CNTN5: variants seen among roughly 807,000 people sequenced by gnomAD.
CNTN5 encodes the protein contactin 5, also known as contactin-5.
A neutral mutation model predicts 129.1 loss-of-function variants in CNTN5; 77 were observed. The ratio of observed to expected loss-of-function variants is 0.60; its 90% confidence interval spans 0.50 to 0.72. CNTN5 has a LOEUF of 0.72. CNTN5 is among the 30% of genes least tolerant of loss of function. CNTN5 has a pLI of 0.00. For missense variants in CNTN5, 1,478 were observed against 1,328.8 expected (o/e 1.11, Z -1.75); for synonymous variants, 509 against 465.6 (o/e 1.09, Z -1.20).
At chr11:99,433,379 G>GAA (rs1360694985) in intron 2 of CNTN5, among the ~76,000 whole-genome samples, 54 of 86,530 alleles carry the variant, frequency 6.2e-4, no homozygotes, top group Non-Finnish European at 8.9e-4. Flanking sequence ...AAATGTGTGT[G>GAA]TGTGTGTGTG....
At chr11:100,071,455 A>G (rs1357888897) in intron 11 of CNTN5, among the ~76,000 whole-genome samples, 1 of 152,228 alleles carries the variant, frequency 6.6e-6, no homozygotes, top group East Asian at 1.9e-4. Context: ...TTAAAAACCA[A>G]ACTGAAAGTA....
At chr11:99,046,281 G>A (rs1209694219) in intron 1 of CNTN5, among the ~76,000 whole-genome samples, 3 of 152,008 alleles carry the variant, frequency 2.0e-5, no homozygotes, top group South Asian at 2.1e-4. Flanking sequence ...TGGAGGTTGC[G>A]GTGAGCCAAG....
At chr11:100,329,259 A>G (rs1951853466) in intron 21 of CNTN5, among the ~76,000 whole-genome samples, 2 of 152,080 alleles carry the variant, frequency 1.3e-5, no homozygotes, top group Admixed American at 1.3e-4. Context: ...CCCATTCTCC[A>G]CAGCAGCCAC....
chr11:99,559,946 T>A (rs568210928), intron 3 of CNTN5, among the ~76,000 whole-genome samples: 3 of 152,212 alleles, frequency 2.0e-5, no homozygotes, highest in Non-Finnish European at 4.4e-5. Flanking sequence ...AAAAAGATGA[T>A]AGTTTGAACA....
chr11:99,522,136 A>T (rs1947297397), intron 2 of CNTN5, among the ~76,000 whole-genome samples: 2 of 152,160 alleles, frequency 1.3e-5, no homozygotes, highest in South Asian at 4.1e-4. Flanking sequence ...TTATGGTAAG[A>T]TTTGGAGACA....
intron 16 of CNTN5, among the ~76,000 whole-genome samples, chr11:100,232,161 A>G (rs1591417946): frequency 6.6e-6 from 1 of 152,186 alleles, no homozygotes; most frequent in East Asian, 1.9e-4. Flanking sequence ...CAAAAAAAAC[A>G]AAAAACAAAA....
intron 1 of CNTN5, among the ~76,000 whole-genome samples, chr11:99,184,484 G>T (rs1005743188): frequency 6.6e-6 from 1 of 152,018 alleles, no homozygotes; most frequent in African/African-American, 2.4e-5. Flanking sequence ...TCTTCCTCCA[G>T]GCAGCCATCC....
intron 3 of CNTN5, among the ~76,000 whole-genome samples, chr11:99,652,293 C>T (rs532104028): frequency 6.6e-6 from 1 of 152,158 alleles, no homozygotes; most frequent in East Asian, 1.9e-4. Context: ...CTGCTTACTT[C>T]TTCAGTGCCA....
rs563202655 is a variant in CNTN5, at chr11:99,644,527, A to C, written c.55+88258A>C. Among the ~76,000 whole-genome samples the C allele has an allele frequency of 3.9e-5, 6 of 152,324 alleles. No individual in the cohort carries two copies. In the South Asian group the frequency reaches 1.2e-3, roughly 32 times the overall value. On this transcript the variant is annotated intron_variant, in intron 3 of 24. Coordinates refer to ENST00000524871, the MANE Select transcript of CNTN5 (RefSeq NM_014361.4). ...GCAAAACGATGTTCTCACCATTAGAATTCTGACGTTTAAAATTTTTTCACA... is the reference window on the plus strand; with the variant it reads ...GCAAAACGATGTTCTCACCATTAGACTTCTGACGTTTAAAATTTTTTCACA...
At chr11:100,323,461 C>T (rs915125314) in intron 21 of CNTN5, among the ~76,000 whole-genome samples, 10 of 152,166 alleles carry the variant, frequency 6.6e-5, no homozygotes, top group African/African-American at 1.7e-4. Flanking sequence ...TTCAGACTTT[C>T]AAGAGTAAAC....
At chr11:99,221,149 T>C (rs935466338) in intron 1 of CNTN5, among the ~76,000 whole-genome samples, 1 of 151,946 alleles carries the variant, frequency 6.6e-6, no homozygotes, top group Non-Finnish European at 1.5e-5. Context: ...AAACTCCCTG[T>C]CACTGTAAGT....
chr11:99,956,869 T>C lies in CNTN5; in HGVS notation c.737T>C (p.Phe246Ser), dbSNP rs1304952303. The change falls in exon 8 of 25, where the codon TTC becomes TCC. Residue 246 changes from phenylalanine to serine, a missense_variant. Physicochemically the swap from Phe to Ser is radical, Grantham distance 155. Coordinates refer to ENST00000524871, the MANE Select transcript of CNTN5 (RefSeq NM_014361.4). ...TTTGTGGCGGAAGACAGCCGGCGGTTCATCTCCCAGGAGACAGGCAACCTT... is the reference window on the plus strand; with the variant it reads ...TTTGTGGCGGAAGACAGCCGGCGGTCCATCTCCCAGGAGACAGGCAACCTT... ...PSFVAEDSRR[F>S]ISQETGNLYI... 1 of 1,605,910 alleles carries C rather than the reference T, an allele frequency of 6.2e-7. No homozygotes were observed. Among genetic ancestry groups the C allele is most frequent in the Non-Finnish European group, 8.5e-7 (1 of 1,172,788 alleles).
chr11:99,766,640 C>T (rs558002344), intron 3 of CNTN5, among the ~76,000 whole-genome samples: 39 of 152,174 alleles, frequency 2.6e-4, no homozygotes, highest in African/African-American at 9.1e-4. Context: ...TTTCTTAACA[C>T]TTTTATTAAT....
At position 99,847,484 on chromosome 11, in the gene CNTN5, C is replaced by G. The variant is rs763856356; in HGVS notation, c.577+2222C>G. ...TTACATAGGTATTCAGTGGTAGCAC[C>G]TTATGACTCTGCCCCTCTCTACTTT... On this transcript the variant is annotated intron_variant, in intron 6 of 24. Coordinates refer to ENST00000524871, the MANE Select transcript of CNTN5 (RefSeq NM_014361.4). Among the ~76,000 whole-genome samples, 14 of 152,136 alleles carry G rather than the reference C, an allele frequency of 9.2e-5. 1 individual carries two copies. Among genetic ancestry groups the G allele is most frequent in the Non-Finnish European group, 1.9e-4 (13 of 68,022 alleles).
At chr11:99,984,148 A>G (rs1239803038) in intron 8 of CNTN5, among the ~76,000 whole-genome samples, 2 of 152,074 alleles carry the variant, frequency 1.3e-5, no homozygotes, top group African/African-American at 4.8e-5. Flanking sequence ...ATGGTGGTAC[A>G]TGCCTGTAGT....
intron 9 of CNTN5, among the ~76,000 whole-genome samples, chr11:100,038,870 G>A (rs1024331910): frequency 3.9e-5 from 6 of 152,160 alleles, no homozygotes; most frequent in African/African-American, 7.2e-5. Context: ...GTGTCTGCAC[G>A]TGAGGTGGGT....
intron 2 of CNTN5, among the ~76,000 whole-genome samples, chr11:99,356,338 T>A (rs1938668312): frequency 6.6e-6 from 1 of 152,204 alleles, no homozygotes. Flanking sequence ...ATTTACTATG[T>A]GATTGACACT....
chr11:100,221,649 C>T (rs1349584722), intron 15 of CNTN5, among the ~76,000 whole-genome samples: 1 of 152,114 alleles, frequency 6.6e-6, no homozygotes, highest in Non-Finnish European at 1.5e-5. Flanking sequence ...CTTAAAAAGC[C>T]TTCCTTTATT....
chr11:99,836,074 A>G (rs1274017473), intron 4 of CNTN5, among the ~76,000 whole-genome samples: 1 of 151,360 alleles, frequency 6.6e-6, no homozygotes, highest in Non-Finnish European at 1.5e-5. Context: ...TTTAATGGTT[A>G]TTCCTTGATT....
Sources: gnomAD v4.1 joint callset for allele counts (sites outside exome capture counted in the v4.1 genomes callset) on GRCh38, gnomAD v4.1.1 for gene constraint, MANE v1.5 for transcripts, NCBI Gene and HGNC (gene_info 2026-07-23, HGNC 2026-07-21) for gene names.